Variants in MTUS2 observed in about 807,000 individuals in gnomAD.
MTUS2 encodes the protein microtubule-associated tumor suppressor candidate 2.
MTUS2 carries 40 observed loss-of-function variants against 114.1 expected under a neutral mutation model. That is an observed-to-expected ratio of 0.35 (90% confidence interval 0.27 to 0.46). MTUS2 has a LOEUF of 0.46. Ranked by LOEUF, MTUS2 falls within the 20% of genes least tolerant of loss-of-function variation. The pLI, the probability that MTUS2 is intolerant of heterozygous loss-of-function variation, is 1.00. For synonymous variants in MTUS2, 688 were observed against 672.0 expected, an observed-to-expected ratio of 1.02 and a Z score of -0.37; for missense variants, 1,679 against 1,705.4, an observed-to-expected ratio of 0.98 and a Z score of 0.27.
chr13:29,390,884 GC>G (rs1873395640), intron 8 of MTUS2, among the ~76,000 whole-genome samples: 1 of 151,604 alleles, frequency 6.6e-6, no homozygotes, highest in Non-Finnish European at 1.5e-5. Context: ...CCAGGTTCAA[GC>G]AATTCTCCTG....
chr13:29,156,364 A>G (rs1357474455), intron 5 of MTUS2, among the ~76,000 whole-genome samples: 3 of 152,172 alleles, frequency 2.0e-5, no homozygotes, highest in African/African-American at 7.2e-5. Flanking sequence ...TGTATCACCT[A>G]TAAAAATAGC....
intron 9 of MTUS2, among the ~76,000 whole-genome samples, chr13:29,476,008 G>GT (rs1681226007): frequency 6.6e-6 from 1 of 152,138 alleles, no homozygotes; most frequent in African/African-American, 2.4e-5. Context: ...TTCATTCATG[G>GT]TAAGTACCCC....
At chr13:28,947,547 A>C (rs1362013458) in intron 2 of MTUS2, among the ~76,000 whole-genome samples, 4 of 148,172 alleles carry the variant, frequency 2.7e-5, no homozygotes, top group Admixed American at 2.7e-4. Context: ...CGGCTTTTGC[A>C]AAAAAAAATG....
rs575729817 is a variant in MTUS2 at position 29,049,015 on chromosome 13, T to C, written c.2446+14890T>C. Among the ~76,000 whole-genome samples the C allele has an allele frequency of 6.6e-5, 10 of 152,322 alleles. 1 individual carries two copies. In the South Asian group the frequency reaches 1.5e-3, roughly 22 times the overall value. On this transcript the variant is annotated intron_variant, in intron 4 of 15. Transcript: ENST00000612955. Reference sequence around the variant, plus strand: ...CTTTTCAGCCTTATTAGGCGTGTACTGATCAGCAATTCTTTCAAAAACATG... The same window carrying C: ...CTTTTCAGCCTTATTAGGCGTGTACCGATCAGCAATTCTTTCAAAAACATG...
rs189981212 is a variant in MTUS2, at chr13:29,309,939, C to G, written c.2807-14674C>G. On this transcript the variant is annotated intron_variant, in intron 6 of 15. Transcript: ENST00000612955. Reference sequence around the variant, plus strand: ...ACAAACAATTCAGTTATCCTCTTTTCATTATTTTTAAATATACAAAAAATT... The same window carrying G: ...ACAAACAATTCAGTTATCCTCTTTTGATTATTTTTAAATATACAAAAAATT... Among the ~76,000 whole-genome samples, 405 of 152,192 alleles carry G rather than the reference C, an allele frequency of 2.7e-3. 1 individual carries two copies. The highest frequency in any genetic ancestry group is 4.4e-3 in the Non-Finnish European group (299 of 68,004).
intron 5 of MTUS2, among the ~76,000 whole-genome samples, chr13:29,212,556 C>T (rs1895489083): frequency 6.6e-6 from 1 of 152,230 alleles, no homozygotes; most frequent in African/African-American, 2.4e-5. Flanking sequence ...ATGTGACCCA[C>T]ACTTCTGTCT....
At chr13:28,949,948 T>G (rs1404825588) in intron 2 of MTUS2, among the ~76,000 whole-genome samples, 2 of 152,232 alleles carry the variant, frequency 1.3e-5, no homozygotes, top group Non-Finnish European at 2.9e-5. Flanking sequence ...TGCTTTCAAT[T>G]CTTTTGAATA....
intron 2 of MTUS2, among the ~76,000 whole-genome samples, chr13:28,841,519 G>A (rs1875483075): frequency 6.6e-6 from 1 of 152,024 alleles, no homozygotes; most frequent in South Asian, 2.1e-4. Context: ...AGAAGGAAGA[G>A]ATGACATGTG....
intron 2 of MTUS2, among the ~76,000 whole-genome samples, chr13:28,935,532 A>T (rs1022391281): frequency 3.3e-5 from 5 of 151,906 alleles, no homozygotes; most frequent in Middle Eastern, 3.2e-3. Flanking sequence ...TAGTTCCATT[A>T]TACACATATG....
intron 2 of MTUS2, among the ~76,000 whole-genome samples, chr13:28,991,545 T>G (rs906602877): frequency 2.0e-5 from 3 of 152,074 alleles, no homozygotes; most frequent in African/African-American, 7.2e-5. Flanking sequence ...ATTTTTTGTA[T>G]TTTTAGTAGA....
intron 4 of MTUS2, among the ~76,000 whole-genome samples, chr13:29,054,617 G>A (rs1888047109): frequency 6.6e-6 from 1 of 152,092 alleles, no homozygotes; most frequent in Admixed American, 6.5e-5. Flanking sequence ...ACTTAACACT[G>A]TTGAACTATA....
chr13:29,317,345 C>T (rs1900034203), intron 6 of MTUS2, among the ~76,000 whole-genome samples: 1 of 152,192 alleles, frequency 6.6e-6, no homozygotes, highest in South Asian at 2.1e-4. Flanking sequence ...TAAAAAATTA[C>T]TATTGGCAGC....
chr13:29,162,353 C>G lies in MTUS2; in HGVS notation c.2644+61383C>G, dbSNP rs1893134459. 2.6e-5 allele frequency among the ~76,000 whole-genome samples: 4 copies of G among 152,158 alleles called. No individual in the cohort carries two copies. The South Asian group carries it at 8.3e-4, about 32-fold the overall frequency. ...AGTGATTTGTTTTGTTATTGTTTGA[C>G]TCTTGGTTCTAGAATGTAATTTTCT... On this transcript the variant is annotated intron_variant, in intron 5 of 15. Coordinates refer to ENST00000612955, the MANE Select transcript of MTUS2 (RefSeq NM_001033602.4).
chr13:28,948,720 G>C (rs148332609), intron 2 of MTUS2, among the ~76,000 whole-genome samples: 1 of 152,144 alleles, frequency 6.6e-6, no homozygotes, highest in African/African-American at 2.4e-5. Context: ...GGTAATGTTC[G>C]CATTGCTTGT....
chr13:29,342,126 T>C (rs182394342), intron 7 of MTUS2, among the ~76,000 whole-genome samples: 25 of 152,280 alleles, frequency 1.6e-4, no homozygotes, highest in Admixed American at 1.5e-3. Context: ...TTGCTTTGGC[T>C]ATGTGGACTC....
intron 5 of MTUS2, among the ~76,000 whole-genome samples, chr13:29,226,714 A>C (rs906444839): frequency 5.3e-5 from 8 of 152,182 alleles, no homozygotes; most frequent in African/African-American, 1.9e-4. Context: ...TTAATATTAA[A>C]ATTTTTACTG....
chr13:28,887,788 A>G (rs1878678997), intron 2 of MTUS2, among the ~76,000 whole-genome samples: 1 of 152,102 alleles, frequency 6.6e-6, no homozygotes, highest in Non-Finnish European at 1.5e-5. Context: ...CCCTGGGGCT[A>G]TCATCTCTTC....
At chr13:29,412,287 G>A (rs547330113) in intron 8 of MTUS2, among the ~76,000 whole-genome samples, 4 of 152,186 alleles carry the variant, frequency 2.6e-5, no homozygotes, top group Non-Finnish European at 5.9e-5. Context: ...CTTGAGTGCT[G>A]TTAACTGGAA....
intron 5 of MTUS2, among the ~76,000 whole-genome samples, chr13:29,218,166 A>G (rs976780522): frequency 6.6e-6 from 1 of 152,102 alleles, no homozygotes. Flanking sequence ...AAAAACACCT[A>G]AAAACCCCAG....
Sources: allele counts gnomAD v4.1 joint callset (sites outside exome capture counted in the v4.1 genomes callset), GRCh38; gene constraint gnomAD v4.1.1; transcripts MANE v1.5; gene names NCBI Gene and HGNC (gene_info 2026-07-23, HGNC 2026-07-21).